Variants in PREX1 observed in about 807,000 individuals in gnomAD.
PREX1 encodes the protein phosphatidylinositol-3,4,5-trisphosphate dependent Rac exchange factor 1.
A neutral mutation model predicts 198.3 loss-of-function variants in PREX1; 41 were observed. The ratio of observed to expected loss-of-function variants is 0.21; its 90% CI spans 0.16 to 0.27. The LOEUF (loss-of-function observed/expected upper bound fraction) is 0.27, where lower values mean the gene tolerates loss of function less well. Among genes scored for constraint, PREX1 ranks in the 10% least tolerant of loss-of-function variants. The probability of loss-of-function intolerance (pLI) is 1.00; values close to 1 mark genes in which losing one functional copy is unlikely to be tolerated. For synonymous variants in PREX1, 843 were observed against 887.2 expected (o/e 0.95, Z 0.89); for missense variants, 1,620 against 2,200.7 (o/e 0.74, Z 5.28).
intron 1 of PREX1, among the ~76,000 whole-genome samples, chr20:48,785,479 C>A (rs2090307915): frequency 6.6e-6 from 1 of 152,242 alleles, no homozygotes; most frequent in African/African-American, 2.4e-5. Flanking sequence ...TTGGGTGGGA[C>A]CCCCTGGTGG....
At chr20:48,652,481 A>G in intron 21 of PREX1, 105 bp downstream of exon 21, 6 of 1,412,210 alleles carry the variant, frequency 4.2e-6, no homozygotes, top group Non-Finnish European at 5.7e-6. Flanking sequence ...ATGGAGGTGG[A>G]CTGGCTGGGA....
chr20:48,878,226 A>G, the PREX1 span, among the ~76,000 whole-genome samples: 12 of 152,346 alleles, frequency 7.9e-5, no homozygotes, highest in African/African-American at 2.9e-4. Context: ...ACTCTGCTCC[A>G]GCCAGGCTGC....
the PREX1 span, among the ~76,000 whole-genome samples, chr20:48,869,840 T>C: frequency 3.9e-5 from 6 of 152,214 alleles, no homozygotes; most frequent in East Asian, 1.2e-3. Flanking sequence ...CCAGGGCCTT[T>C]TGGGAGTTGC....
At chr20:48,709,072 G>A (rs2089917903) in intron 5 of PREX1, among the ~76,000 whole-genome samples, 1 of 152,128 alleles carries the variant, frequency 6.6e-6, no homozygotes, top group African/African-American at 2.4e-5. Flanking sequence ...CGCAGGCTGG[G>A]ACATTGCAAA....
At chr20:48,862,790 A>ATATATATATAT in the PREX1 span, among the ~76,000 whole-genome samples, 183 of 102,522 alleles carry the variant, frequency 1.8e-3, no homozygotes, top group African/African-American at 5.6e-3. Context: ...TAAAAAAAAA[A>ATATATATATAT]ATATATATAT....
At chr20:48,646,497 A>T (rs1343236637) in intron 25 of PREX1, among the ~76,000 whole-genome samples, 1 of 152,184 alleles carries the variant, frequency 6.6e-6, no homozygotes, top group East Asian at 1.9e-4. Flanking sequence ...AGCCTGGCCA[A>T]CATGGCCAAC....
intron 6 of PREX1, among the ~76,000 whole-genome samples, chr20:48,703,434 G>A (rs973646664): frequency 6.6e-6 from 1 of 152,200 alleles, no homozygotes; most frequent in Non-Finnish European, 1.5e-5. Context: ...GCCGCACCAA[G>A]ACTCAGGGCT....
intron 17 of PREX1, among the ~76,000 whole-genome samples, chr20:48,657,400 A>G (rs766506998): frequency 6.6e-6 from 1 of 152,202 alleles, no homozygotes; most frequent in Non-Finnish European, 1.5e-5. Flanking sequence ...ATGGGAGGGC[A>G]GCTGGGAAAG....
rs561222621 is a variant in PREX1 at position 48,627,789 on chromosome 20, C to T, written c.4869+72G>A. 3.1e-4 allele frequency: 459 copies of T among 1,482,996 alleles called. 1 individual carries two copies. The highest frequency in any genetic ancestry group is 1.7e-3 in the Admixed American group (84 of 50,228). The allele number at this position is 1,482,996 out of a possible 1,614,324, so 91.9% of individuals were successfully genotyped here. On this transcript the variant is annotated intron_variant, in intron 38 of 39. Coordinates refer to ENST00000371941, the MANE Select transcript of PREX1 (RefSeq NM_020820.4). ...GGGCTGGTGGCTACCAGCCCCTCAT[C>T]CCACCCTGGCTGCAAGCATGCCACG...
the PREX1 span, among the ~76,000 whole-genome samples, chr20:48,846,553 T>C: frequency 6.6e-6 from 1 of 152,152 alleles, no homozygotes; most frequent in East Asian, 1.9e-4. Flanking sequence ...GTCTCCACCT[T>C]GGTCTTGCCC....
intron 7 of PREX1, 83 bp downstream of exon 7, chr20:48,700,670 C>T: frequency 6.5e-7 from 1 of 1,541,214 alleles, no homozygotes; most frequent in South Asian, 1.1e-5. Flanking sequence ...GAAAGGGAGG[C>T]CCAGAGAGGG....
At chr20:48,722,563 T>G (rs2089990970) in intron 5 of PREX1, among the ~76,000 whole-genome samples, 1 of 152,134 alleles carries the variant, frequency 6.6e-6, no homozygotes, top group Admixed American at 6.5e-5. Flanking sequence ...GTATGCTTTT[T>G]TAAAAAAGGC....
At chr20:48,777,834 G>T (rs953423216) in intron 1 of PREX1, among the ~76,000 whole-genome samples, 3 of 152,130 alleles carry the variant, frequency 2.0e-5, no homozygotes, top group Non-Finnish European at 4.4e-5. Context: ...ACTGGAAGTG[G>T]GGTTGCTATC....
At chr20:48,862,168 C>T in the PREX1 span, among the ~76,000 whole-genome samples, 31 of 152,200 alleles carry the variant, frequency 2.0e-4, no homozygotes, top group Admixed American at 2.0e-3. Flanking sequence ...GAGACTGCCC[C>T]ACTGCACTCT....
intron 1 of PREX1, among the ~76,000 whole-genome samples, chr20:48,782,236 T>A (rs140137542): frequency 6.6e-6 from 1 of 152,304 alleles, no homozygotes; most frequent in Admixed American, 6.5e-5. Flanking sequence ...CCATGTGTTG[T>A]GGGAGGGACA....
chr20:48,774,166 G>A (rs1054729073), intron 1 of PREX1, among the ~76,000 whole-genome samples: 8 of 152,230 alleles, frequency 5.3e-5, no homozygotes, highest in Non-Finnish European at 2.9e-5. Flanking sequence ...CTGACCTCAC[G>A]CAAGGCAGTC....
At chr20:48,734,687 A>C in intron 3 of PREX1, 37 bp from the exon 4 acceptor site, 21 of 1,590,110 alleles carry the variant, frequency 1.3e-5, no homozygotes, top group Non-Finnish European at 1.8e-5. Context: ...GAGGCAGGTC[A>C]TGGTAGCAGG....
rs758733786 is a variant in PREX1 at position 48,645,965 on chromosome 20, T to A, written c.3398A>T (p.Glu1133Val). 1 of 1,614,114 alleles carries A rather than the reference T, an allele frequency of 6.2e-7. No individual in the cohort carries two copies. The highest frequency in any genetic ancestry group is 1.7e-5 in the Admixed American group (1 of 60,008). Reference protein sequence around the residue: ...EASSLPLVSEESEMDRSDHGG... With the variant: ...EASSLPLVSEVSEMDRSDHGG... Reference sequence around the variant, plus strand: ...ATGGTCACTCCTGTCCATCTCGCTCTCTTCACTGACCAGGGGCAGGGAGGA... The same window carrying A: ...ATGGTCACTCCTGTCCATCTCGCTCACTTCACTGACCAGGGGCAGGGAGGA... Residue 1133 changes from glutamate (E) to valine (V), a missense_variant, in exon 26 of 40, where the codon GAG becomes GTG. Glu to Val is a moderately radical substitution (Grantham distance 121). Transcript: ENST00000371941.
rs763086676 is a variant in PREX1 at position 48,652,657 on chromosome 20, C to T, written c.2396G>A (p.Arg799Gln). 5 of 1,613,542 alleles carry T rather than the reference C, an allele frequency of 3.1e-6. No homozygotes were observed. Among genetic ancestry groups the T allele is most frequent in the African/African-American group, 1.3e-5 (1 of 74,876 alleles). ...YHTHEDAQEARASQEASTEDP... is the reference protein window; with the variant it reads ...YHTHEDAQEAQASQEASTEDP... Reference sequence around the variant, plus strand: ...CTCAGTGGAGGCCTCCTGACTGGCTCGTGCTTCCTGGGCATCCTCATGGGT... The same window carrying T: ...CTCAGTGGAGGCCTCCTGACTGGCTTGTGCTTCCTGGGCATCCTCATGGGT... Residue 799 changes from arginine (R) to glutamine (Q), a missense_variant, in exon 21 of 40, where the codon CGA (arginine) becomes CAA (glutamine). By Grantham distance (43) the Arg-to-Gln change is conservative. Around this residue, in one of 7 missense-constraint regions of PREX1, gnomAD observed 514 missense variants for 611.6 expected, o/e 0.84. Transcript: ENST00000371941.
Sources: allele counts gnomAD v4.1 joint callset (sites outside exome capture counted in the v4.1 genomes callset), GRCh38; gene constraint gnomAD v4.1.1; regional missense constraint gnomAD v4.1.1; transcripts MANE v1.5; gene names NCBI Gene and HGNC (gene_info 2026-07-23, HGNC 2026-07-21).